Variants in ZNF638 observed in about 807,000 individuals in gnomAD.
The protein encoded by ZNF638 is CTCL tumor antigen se33-1.
ZNF638 carries 46 observed loss-of-function variants against 195.6 expected under a neutral mutation model. The observed-to-expected ratio is 0.24, with a 90% CI of 0.19 to 0.30. The LOEUF is 0.30. Among genes scored for constraint, ZNF638 ranks in the 10% least tolerant of loss-of-function variants. The probability of loss-of-function intolerance (pLI) is 1.00; values close to 1 mark genes in which losing one functional copy is unlikely to be tolerated. For synonymous variants in ZNF638, 845 were observed against 772.0 expected, an observed-to-expected ratio of 1.09 and a Z score of -1.57; for missense variants, 2,440 against 2,325.3, an observed-to-expected ratio of 1.05 and a Z score of -1.01.
chr2:71,384,479 T>C (rs2079597443), intron 10 of ZNF638, among the ~76,000 whole-genome samples: 1 of 152,240 alleles, frequency 6.6e-6, no homozygotes, highest in South Asian at 2.1e-4. Flanking sequence ...TTATTTTCCA[T>C]GTTACTTCAT....
chr2:71,378,314 A>G (rs150422017), intron 8 of ZNF638, among the ~76,000 whole-genome samples: 90 of 152,352 alleles, frequency 5.9e-4, no homozygotes, highest in East Asian at 2.7e-3. Context: ...TTAAAATTGA[A>G]AATTACCATT....
intron 19 of ZNF638, 119 bp from the exon 20 acceptor site, chr2:71,408,003 A>T: frequency 2.3e-6 from 2 of 880,448 alleles, no homozygotes; most frequent in Non-Finnish European, 3.4e-6. Flanking sequence ...ATACATGTTT[A>T]AGTATCGGCT....
chr2:71,355,595 A>G, intron 2 of ZNF638, 124 bp from the exon 3 acceptor site: 1 of 685,754 alleles, frequency 1.5e-6, no homozygotes, highest in South Asian at 2.1e-5. Context: ...GAGCAGCCAA[A>G]TGCTATTTAT....
intron 21 of ZNF638, among the ~76,000 whole-genome samples, chr2:71,419,621 A>G (rs2080381446): frequency 6.6e-6 from 1 of 152,212 alleles, no homozygotes; most frequent in African/African-American, 2.4e-5. Context: ...ATGTCATACC[A>G]GGTGCATTCA....
At position 71,423,515 on chromosome 2, in the gene ZNF638, A is replaced by G. The variant is rs756958623; in HGVS notation, c.4001A>G (p.Asn1334Ser). 8.1e-6 allele frequency: 13 copies of G among 1,613,994 alleles called. No homozygotes were observed. Among genetic ancestry groups the G allele is most frequent in the Admixed American group, 1.7e-5 (1 of 59,988 alleles). The change falls in exon 22 of 28, where the codon AAT (asparagine) becomes AGT (serine). Residue 1334 changes from asparagine to serine, a missense_variant. By Grantham distance (46) the Asn-to-Ser change is conservative (BLOSUM62 1). This residue lies in a region of ZNF638 where 1,883 missense variants were observed against 1,739.1 expected (regional missense o/e 1.08). Transcript: ENST00000264447. Reference protein sequence around the residue: ...LQIGTEKAEKNEGRMDAEKVE... With the variant: ...LQIGTEKAEKSEGRMDAEKVE... ...ATAGGAACAGAGAAGGCTGAAAAGA[A>G]TGAAGGTAGGATGGATGCAGAAAAG...
Position 71,427,138 on chromosome 2 carries a change from G to A in ZNF638, c.5269G>A (p.Glu1757Lys), listed in dbSNP as rs753175580. 1 of 1,614,004 alleles carries A rather than the reference G, an allele frequency of 6.2e-7. No individual in the cohort carries two copies. The highest frequency in any genetic ancestry group is 8.5e-7 in the Non-Finnish European group (1 of 1,179,968). Residue 1757 changes from glutamate to lysine, a missense_variant, in exon 24 of 28, where the codon GAG (glutamate) becomes AAG (lysine). Physicochemically the swap from Glu to Lys is moderately conservative, Grantham distance 56. This residue lies in a region of ZNF638 where 1,883 missense variants were observed against 1,739.1 expected (regional missense o/e 1.08). Transcript: ENST00000264447. ...AGTGACTTTGGATGAAGTAACTGAA[G>A]AGGATGAAGACTCTCTGGCGGATTT... ...HLVTLDEVTE[E>K]DEDSLADFNN...
intron 8 of ZNF638, among the ~76,000 whole-genome samples, chr2:71,377,389 A>G (rs949647215): frequency 2.6e-5 from 4 of 152,232 alleles, no homozygotes; most frequent in Admixed American, 2.6e-4. Context: ...TTTCAGCAAG[A>G]TTCATGGGGA....
At chr2:71,378,130 G>C (rs1422305280) in intron 8 of ZNF638, among the ~76,000 whole-genome samples, 1 of 152,050 alleles carries the variant, frequency 6.6e-6, no homozygotes, top group Non-Finnish European at 1.5e-5. Context: ...GTTAAACATA[G>C]ACTAAAATCT....
At chr2:71,383,029 T>C (rs1250135689) in intron 10 of ZNF638, among the ~76,000 whole-genome samples, 2 of 152,306 alleles carry the variant, frequency 1.3e-5, no homozygotes, top group East Asian at 3.9e-4. Flanking sequence ...CTTTGAGTTG[T>C]AGTTAATGTT....
chr2:71,393,451 A>G lies in ZNF638; in HGVS notation c.2378-2690A>G, dbSNP rs1360939470. ...CCATACCATGGCGTGGCTAGGACCC[A>G]ACACAGTACCAGAAGTGAAGGAAAT... On this transcript the variant is annotated intron_variant, in intron 10 of 27. Coordinates refer to ENST00000264447, the MANE Select transcript of ZNF638 (RefSeq NM_014497.5). The G allele has an allele frequency of 4.2e-6, 3 of 718,444 alleles. No homozygotes were observed. The South Asian group carries it at 4.4e-5, about 11-fold the overall frequency. 44.5% of individuals were successfully genotyped at this position (718,444 alleles called of 1,614,324 possible).
intron 1 of ZNF638, chr2:71,348,435 C>A (rs1037882151): frequency 2.8e-5 from 28 of 1,013,024 alleles, no homozygotes; most frequent in Non-Finnish European, 3.3e-5. Context: ...AGTATTACAG[C>A]GTGAAATAAA....
Position 71,349,362 on chromosome 2 carries a change from A to C in ZNF638, c.408A>C (p.Thr136=). The C allele has an allele frequency of 1.2e-6, 2 of 1,614,178 alleles. No homozygotes were observed. The highest frequency in any genetic ancestry group is 1.1e-5 in the South Asian group (1 of 91,086). ...EQSPKVQSRY[T]KESASSILAS... ...GTCCCAAAGTACAGAGCCGCTATAC[A>C]AAAGAGAGTGCCTCAAGTATCTTAG... Residue 136 remains threonine (T), a synonymous_variant, in exon 2 of 28, where the codon ACA becomes ACC. Transcript: ENST00000264447.
intron 17 of ZNF638, among the ~76,000 whole-genome samples, chr2:71,404,794 T>C (rs1343388521): frequency 6.6e-6 from 1 of 152,144 alleles, no homozygotes; most frequent in African/African-American, 2.4e-5. Flanking sequence ...CTACCTTCAG[T>C]TTTATAAAAC....
In ZNF638 at chr2:71,399,578, G is replaced by A. The variant is rs773049828; in HGVS notation, c.2520G>A (p.Lys840=). 1 of 1,612,314 alleles carries A rather than the reference G, an allele frequency of 6.2e-7. No individual in the cohort carries two copies. Among genetic ancestry groups the A allele is most frequent in the South Asian group, 1.1e-5 (1 of 90,918 alleles). Residue 840 remains lysine (K), a synonymous_variant, in exon 13 of 28, where the codon AAG becomes AAA. Transcript: ENST00000264447. Reference sequence around the variant, plus strand: ...TACAAGCAAAATCTGGTGGAAAGAAGTCTCTAGAAGCCAAAAAGACTGGGA... The same window carrying A: ...TACAAGCAAAATCTGGTGGAAAGAAATCTCTAGAAGCCAAAAAGACTGGGA... ...SIKTAKSGGK[K]SLEAKKTGNV... is the part of the protein sequence containing the mutation.
At position 71,422,973 on chromosome 2, in the gene ZNF638, A is replaced by T. The variant is rs777623545; in HGVS notation, c.3459A>T (p.Lys1153Asn). The T allele has an allele frequency of 4.3e-6, 7 of 1,614,152 alleles. No homozygotes were observed. The East Asian group carries it at 8.9e-5, about 21-fold the overall frequency. ...AGCCTTGTGAGGAAGAAGCTGAAAAAGCAACATGTGATTCTGACTTTGCTG... is the reference window on the plus strand; with the variant it reads ...AGCCTTGTGAGGAAGAAGCTGAAAATGCAACATGTGATTCTGACTTTGCTG... Reference protein sequence around the residue: ...QEEPCEEEAEKATCDSDFAVE... With the variant: ...QEEPCEEEAENATCDSDFAVE... The change falls in exon 22 of 28, where the codon AAA becomes AAT. Residue 1153 changes from lysine to asparagine, a missense_variant. Lys to Asn is a moderately conservative substitution (Grantham distance 94, BLOSUM62 0). This residue lies in a region of ZNF638 where 1,883 missense variants were observed against 1,739.1 expected (regional missense o/e 1.08). Coordinates refer to ENST00000264447, the MANE Select transcript of ZNF638 (RefSeq NM_014497.5).
At chr2:71,433,997 C>T (rs983063965) in intron 27 of ZNF638, among the ~76,000 whole-genome samples, 4 of 152,206 alleles carry the variant, frequency 2.6e-5, no homozygotes, top group African/African-American at 2.4e-5. Flanking sequence ...CTATTTCATT[C>T]TAGGCCCAAG....
chr2:71,433,954 A>C lies in ZNF638; in HGVS notation c.5871+671A>C, dbSNP rs905166435. Among the ~76,000 whole-genome samples the C allele has an allele frequency of 5.3e-5, 8 of 152,216 alleles. No individual in the cohort carries two copies. In the East Asian group the frequency reaches 1.5e-3, roughly 29 times the overall value. On this transcript the variant is annotated intron_variant, in intron 27 of 27. Coordinates refer to ENST00000264447, the MANE Select transcript of ZNF638 (RefSeq NM_014497.5). Reference sequence around the variant, plus strand: ...TATCTAAACCCAAGGTCACATAGCTAGTTAGTAGCAGACCTAGGATTTGAA... The same window carrying C: ...TATCTAAACCCAAGGTCACATAGCTCGTTAGTAGCAGACCTAGGATTTGAA...
intron 8 of ZNF638, among the ~76,000 whole-genome samples, chr2:71,370,338 C>T (rs2079286543): frequency 6.6e-6 from 1 of 152,162 alleles, no homozygotes; most frequent in Admixed American, 6.5e-5. Context: ...CTTACACCCT[C>T]CCTTCTTCTC....
At position 71,358,082 on chromosome 2, in the gene ZNF638, G is replaced by A. The variant is rs147244973; in HGVS notation, c.1379+2302G>A. 4.2e-3 allele frequency among the ~76,000 whole-genome samples: 637 copies of A among 152,158 alleles called. 3 individuals carry two copies. Among genetic ancestry groups the A allele is most frequent in the African/African-American group, 0.014 (572 of 41,512 alleles). On this transcript the variant is annotated intron_variant, in intron 3 of 27. Coordinates refer to ENST00000264447, the MANE Select transcript of ZNF638 (RefSeq NM_014497.5). ...TTCTCTCCTAGTTTCTAGTGACTGG[G>A]GACAATCATTGACATTCCTTGGCTT...
Sources: gnomAD v4.1 joint callset for allele counts (sites outside exome capture counted in the v4.1 genomes callset) on GRCh38, gnomAD v4.1.1 for gene constraint, gnomAD v4.1.1 regional missense constraint, MANE v1.5 for transcripts, NCBI Gene and HGNC (gene_info 2026-07-23, HGNC 2026-07-21) for gene names.